The following LRP4 variants were observed in gnomAD, a reference collection of about 807,000 sequenced individuals.
LRP4 encodes the protein low-density lipoprotein receptor-related protein 4.
A neutral mutation model predicts 220.3 loss-of-function variants in LRP4; 95 were observed. That is an observed-to-expected ratio of 0.43 (90% CI 0.37 to 0.51). The LOEUF is 0.51. Among genes scored for constraint, LRP4 ranks in the 20% least tolerant of loss-of-function variants. The probability of loss-of-function intolerance (pLI) is 0.00; values close to 1 mark genes in which losing one functional copy is unlikely to be tolerated. For missense variants in LRP4, 1,925 were observed against 2,567.0 expected (o/e 0.75, Z 5.40); for synonymous variants, 903 against 954.6 (o/e 0.95, Z 1.00).
At position 46,886,185 on chromosome 11, in the gene LRP4, C is replaced by T. The variant is rs755315163; in HGVS notation, c.2425-13G>A. 4.4e-5 allele frequency: 71 copies of T among 1,612,446 alleles called. No homozygotes were observed. The highest frequency in any genetic ancestry group is 5.5e-5 in the Non-Finnish European group (65 of 1,178,650). On this transcript the variant is annotated splice_polypyrimidine_tract_variant and intron_variant, in intron 17 of 37. Transcript: ENST00000378623. ...TATCCACTACCACCTGGGCAGGAAG[C>T]AAAGCTGTATCACCAACTGTACTTC...
chr11:46,889,500 C>T lies in LRP4; in HGVS notation c.2126G>A (p.Cys709Tyr). Residue 709 changes from cysteine (C) to tyrosine (Y), a missense_variant, in exon 16 of 38, where the codon TGC becomes TAC. Cys to Tyr is a radical substitution (Grantham distance 194, BLOSUM62 -2). This residue lies in a region of LRP4 where 1,244 missense variants were observed against 1,624.9 expected (regional missense o/e 0.77). Transcript: ENST00000378623. ...KNRCGDNNGG[C>Y]THLCLPSGQN... ...GCCACTGGGCAGACACAGGTGCGTG[C>T]AGCCTCCGTTGTTGTCCCCACAGCG... The T allele has an allele frequency of 6.2e-7, 1 of 1,614,076 alleles. No homozygotes were observed. The highest frequency in any genetic ancestry group is 8.5e-7 in the Non-Finnish European group (1 of 1,180,034).
chr11:46,864,341 T>C, intron 36 of LRP4, 107 bp downstream of exon 36: 1 of 883,408 alleles, frequency 1.1e-6, no homozygotes, highest in Non-Finnish European at 1.9e-6. Context: ...AACCTTGCAA[T>C]AAGGCTGGTC....
Position 46,918,456 on chromosome 11 carries a change from C to T in LRP4, c.-77G>A, listed in dbSNP as rs1941987353. On this transcript the variant is annotated 5_prime_UTR_variant, in exon 1 of 38. Transcript: ENST00000378623. The surrounding 1 kb of genome is among the most constrained non-coding windows in gnomAD (Gnocchi z 6.0). ...GCGGCGGAGAAGCCCGCGGAGGGTC[C>T]CCGAGGGGGAAGCGTCCCGGGTGCA... 8.8e-7 allele frequency: 1 copy of T among 1,138,404 alleles called. No homozygotes were observed. The highest frequency in any genetic ancestry group is 3.1e-5 in the South Asian group (1 of 32,634). The allele number at this position is 1,138,404 out of a possible 1,614,324, so 70.5% of individuals were successfully genotyped here.
Position 46,918,220 on chromosome 11 carries a change from A to G in LRP4, c.52+108T>C. 8.2e-7 allele frequency: 1 copy of G among 1,221,974 alleles called. No individual in the cohort carries two copies. The highest frequency in any genetic ancestry group is 1.1e-6 in the Non-Finnish European group (1 of 883,226). 75.7% of individuals were successfully genotyped at this position (1,221,974 alleles called of 1,614,324 possible). On this transcript the variant is annotated intron_variant, in intron 1 of 37. Transcript: ENST00000378623. This position sits in a 1 kb window ranked among gnomAD's most constrained non-coding sequence, Gnocchi z 6.0. ...ACGCAGCCCCAGGGCCACGGCTAGG[A>G]GCGAGGGCGAGGGGTCTCAGGCCCC...
rs749625745 is a variant in LRP4, at chr11:46,886,079, C to CA, written c.2506+11_2506+12insT. On this transcript the variant is annotated intron_variant, in intron 18 of 37. Transcript: ENST00000378623. ...CAGGGAGCCAGGCAGGCCACGGCTC[C>CA]CCTATGCATACCTGCATCTGTCCAG... 1.2e-6 allele frequency: 2 copies of CA among 1,612,294 alleles called. No homozygotes were observed.
Position 46,918,309 on chromosome 11 carries a change from C to T in LRP4, c.52+19G>A. On this transcript the variant is annotated intron_variant, in intron 1 of 37. Coordinates refer to ENST00000378623, the MANE Select transcript of LRP4 (RefSeq NM_002334.4). The surrounding 1 kb of genome is among the most constrained non-coding windows in gnomAD (Gnocchi z 6.0). ...GCGGCCGGACCCAGGGACAAACTTT[C>T]CCGGCGGGCGCCGCTTACCGTGTGC... is the stretch of plus-strand genomic sequence containing the variant. The T allele has an allele frequency of 6.6e-7, 1 of 1,509,652 alleles. No homozygotes were observed. Among genetic ancestry groups the T allele is most frequent in the Non-Finnish European group, 8.8e-7 (1 of 1,135,022 alleles). The allele number at this position is 1,509,652 out of a possible 1,614,324, so 93.5% of individuals were successfully genotyped here. A position where few individuals can be genotyped will look rare whatever the true frequency, so the allele number is the denominator to read the frequency against.
chr11:46,891,587 CAGG>C (rs1014766252), intron 13 of LRP4, among the ~76,000 whole-genome samples: 4 of 152,056 alleles, frequency 2.6e-5, no homozygotes, highest in Admixed American at 6.6e-5. Context: ...AACTTCATTT[CAGG>C]AGTTTTTCTT....
At position 46,899,840 on chromosome 11, in the gene LRP4, C is replaced by T. The variant is rs1352518144; in HGVS notation, c.430+23G>A. The T allele has an allele frequency of 1.2e-6, 2 of 1,607,290 alleles. No homozygotes were observed. Among genetic ancestry groups the T allele is most frequent in the Non-Finnish European group, 1.7e-6 (2 of 1,174,554 alleles). ...GCCACCCACTGGCCACCTTGCCTGC[C>T]TTCCCCCGTTGGGGTCACCCACCAC... On this transcript the variant is annotated intron_variant, in intron 4 of 37. Transcript: ENST00000378623. The surrounding 1 kb of genome is among the most constrained non-coding windows in gnomAD (Gnocchi z 5.9).
intron 16 of LRP4, among the ~76,000 whole-genome samples, chr11:46,888,861 G>A (rs1941359049): frequency 6.6e-6 from 1 of 152,136 alleles, no homozygotes; most frequent in South Asian, 2.1e-4. Flanking sequence ...GGGCTCTCCA[G>A]GGTTACCCTC....
chr11:46,906,026 G>A (rs550469429), intron 1 of LRP4, among the ~76,000 whole-genome samples: 1 of 152,102 alleles, frequency 6.6e-6, no homozygotes, highest in East Asian at 1.9e-4. Context: ...GAGGAAGTAG[G>A]GGGGAATAGG....
rs1940912246 is a variant in LRP4 at position 46,873,070 on chromosome 11, C to T, written c.4583+30G>A. The T allele has an allele frequency of 6.2e-7, 1 of 1,614,160 alleles. No individual in the cohort carries two copies. The highest frequency in any genetic ancestry group is 8.5e-7 in the Non-Finnish European group (1 of 1,180,006). ...ATTCTCTCTTCTGCCCACCCGATTT[C>T]CAGGAGGCTGTTTGATGCAAGACTC... On this transcript the variant is annotated intron_variant, in intron 30 of 37. Coordinates refer to ENST00000378623, the MANE Select transcript of LRP4 (RefSeq NM_002334.4). This position sits in a 1 kb window ranked among gnomAD's most constrained non-coding sequence, Gnocchi z 4.2.
intron 16 of LRP4, among the ~76,000 whole-genome samples, chr11:46,888,257 C>CA (rs35757114): frequency 7.1e-6 from 1 of 140,706 alleles, no homozygotes; most frequent in African/African-American, 2.6e-5. Flanking sequence ...GGGAGGCGGA[C>CA]AAAAAAAAAA....
intron 2 of LRP4, among the ~76,000 whole-genome samples, chr11:46,902,431 T>C (rs1319370410): frequency 6.6e-6 from 1 of 151,946 alleles, no homozygotes; most frequent in African/African-American, 2.4e-5. Flanking sequence ...TCCACATTTG[T>C]GTATAGTATA....
rs967769665 is a variant in LRP4 at position 46,918,359 on chromosome 11, C to T, written c.21G>A (p.Ala7=). The stretch of plus-strand genomic sequence containing the variant: ...CGCAGAGCAGGGCGCCAAGCAGCAG[C>T]GCGCCCCACTGCCGCCTCATGGTGC... MRRQWG[A]LLLGALLCAH... Residue 7 remains alanine, a synonymous_variant, in exon 1 of 38, where the codon GCG becomes GCA. Coordinates refer to ENST00000378623, the MANE Select transcript of LRP4 (RefSeq NM_002334.4). This position sits in a 1 kb window ranked among gnomAD's most constrained non-coding sequence, Gnocchi z 6.0. 4 of 1,478,198 alleles carry T rather than the reference C, an allele frequency of 2.7e-6. No individual in the cohort carries two copies. Among genetic ancestry groups the T allele is most frequent in the Non-Finnish European group, 3.6e-6 (4 of 1,119,688 alleles). The allele number at this position is 1,478,198 out of a possible 1,614,324, so 91.6% of individuals were successfully genotyped here.
chr11:46,916,879 C>T (rs1024359493), intron 1 of LRP4, among the ~76,000 whole-genome samples: 1 of 152,196 alleles, frequency 6.6e-6, no homozygotes, highest in African/African-American at 2.4e-5. Flanking sequence ...TACATTCCTA[C>T]CCCAGTAGGG....
At chr11:46,872,872 G>C (rs1940906565) in intron 30 of LRP4, among the ~76,000 whole-genome samples, 1 of 152,184 alleles carries the variant, frequency 6.6e-6, no homozygotes, top group Non-Finnish European at 1.5e-5. Flanking sequence ...TCTGCCAAAG[G>C]CACTCAAATT....
At position 46,899,235 on chromosome 11, in the gene LRP4, G is replaced by A; in HGVS notation, c.547+152C>T. 1 of 886,434 alleles carries A rather than the reference G, an allele frequency of 1.1e-6. No homozygotes were observed. Among genetic ancestry groups the A allele is most frequent in the Non-Finnish European group, 1.9e-6 (1 of 533,208 alleles). The allele number at this position is 886,434 out of a possible 1,614,324, so 54.9% of individuals were successfully genotyped here. On this transcript the variant is annotated intron_variant, in intron 5 of 37. Coordinates refer to ENST00000378623, the MANE Select transcript of LRP4 (RefSeq NM_002334.4). This position sits in a 1 kb window ranked among gnomAD's most constrained non-coding sequence, Gnocchi z 5.9. ...CCTTCCCTTCCCACCTGGGGAACTT[G>A]CTCCCTCCCTAGCTCAGCCTAGGAG...
At chr11:46,914,530 A>G (rs1941917746) in intron 1 of LRP4, among the ~76,000 whole-genome samples, 1 of 152,218 alleles carries the variant, frequency 6.6e-6, no homozygotes, top group Non-Finnish European at 1.5e-5. Context: ...CCAGCTAACC[A>G]GTCAGCACTG....
intron 11 of LRP4, 91 bp downstream of exon 11, chr11:46,895,075 T>C (rs763544577): frequency 2.4e-5 from 37 of 1,555,586 alleles, no homozygotes; most frequent in Non-Finnish European, 3.1e-5. Flanking sequence ...GAAATCTCTC[T>C]ACCTCTCTGC....
Sources: gnomAD v4.1 joint callset for allele counts (sites outside exome capture counted in the v4.1 genomes callset) on GRCh38, gnomAD v4.1.1 for gene constraint, gnomAD v4.1.1 regional missense constraint, Gnocchi (gnomAD v3.1) non-coding constraint, MANE v1.5 for transcripts, NCBI Gene and HGNC (gene_info 2026-07-23, HGNC 2026-07-21) for gene names.